Variants in MEIS2 observed in about 807,000 individuals in gnomAD.
MEIS2 encodes Meis homeobox 2.
A neutral mutation model predicts 58.6 loss-of-function variants in MEIS2; 9 were observed. That is an observed-to-expected ratio of 0.15 (90% CI 0.09 to 0.27). MEIS2 has a LOEUF of 0.27. MEIS2 is among the 10% of genes least tolerant of loss of function. MEIS2 has a pLI of 1.00. For synonymous variants in MEIS2, 221 were observed against 228.4 expected (o/e 0.97, Z 0.29); for missense variants, 427 against 635.0 (o/e 0.67, Z 3.52).
chr15:37,063,722 G>A (rs551051114), intron 7 of MEIS2, among the ~76,000 whole-genome samples: 1 of 152,234 alleles, frequency 6.6e-6, no homozygotes, highest in South Asian at 2.1e-4. Flanking sequence ...CTCAGATTAC[G>A]ATAAAGCTAG....
chr15:36,906,420 T>A (rs2056739856), intron 9 of MEIS2, among the ~76,000 whole-genome samples: 1 of 151,990 alleles, frequency 6.6e-6, no homozygotes, highest in African/African-American at 2.4e-5. Flanking sequence ...TTGGGAGAAC[T>A]GCTGATAAAT....
chr15:36,992,393 G>C (rs1462654437), intron 8 of MEIS2, among the ~76,000 whole-genome samples: 2 of 152,086 alleles, frequency 1.3e-5, no homozygotes, highest in Admixed American at 1.3e-4. Context: ...TAAGCAAGCA[G>C]ATGTACATTT....
At chr15:37,073,227 A>G (rs1207023771) in intron 7 of MEIS2, among the ~76,000 whole-genome samples, 1 of 152,110 alleles carries the variant, frequency 6.6e-6, no homozygotes, top group East Asian at 1.9e-4. Context: ...ACAGGTGAAG[A>G]AACAAACATT....
intron 11 of MEIS2, among the ~76,000 whole-genome samples, chr15:36,893,976 A>AT (rs538065534): frequency 1.3e-5 from 2 of 152,122 alleles, no homozygotes; most frequent in East Asian, 3.8e-4. Flanking sequence ...CAGACTCTGA[A>AT]TTTTTTTCAG....
At chr15:36,988,542 T>C (rs2060167566) in intron 8 of MEIS2, among the ~76,000 whole-genome samples, 1 of 152,176 alleles carries the variant, frequency 6.6e-6, no homozygotes, top group Admixed American at 6.5e-5. Flanking sequence ...TAGATAACAG[T>C]CCTGAGGAAA....
chr15:37,003,873 T>C (rs1439346544), intron 8 of MEIS2, among the ~76,000 whole-genome samples: 5 of 152,262 alleles, frequency 3.3e-5, no homozygotes, highest in Admixed American at 6.5e-5. Context: ...TGAGGACATA[T>C]TGAGACGGCT....
intron 7 of MEIS2, among the ~76,000 whole-genome samples, chr15:37,045,454 C>A (rs2062622770): frequency 6.6e-6 from 1 of 151,664 alleles, no homozygotes; most frequent in Admixed American, 6.6e-5. Context: ...ACTGAGAAAC[C>A]TGCATCAGGA....
At chr15:37,090,401 G>A (rs1893371835) in intron 6 of MEIS2, among the ~76,000 whole-genome samples, 1 of 152,030 alleles carries the variant, frequency 6.6e-6, no homozygotes, top group Non-Finnish European at 1.5e-5. Flanking sequence ...TATTATGGTT[G>A]TCTTCTTCTA....
At chr15:37,039,066 C>T (rs1305114206) in intron 7 of MEIS2, among the ~76,000 whole-genome samples, 1 of 152,106 alleles carries the variant, frequency 6.6e-6, no homozygotes, top group Non-Finnish European at 1.5e-5. Flanking sequence ...GGCAGTGGGC[C>T]TTGGGGATCT....
intron 7 of MEIS2, among the ~76,000 whole-genome samples, chr15:37,062,388 C>G (rs1260699280): frequency 6.6e-6 from 1 of 152,112 alleles, no homozygotes; most frequent in Non-Finnish European, 1.5e-5. Context: ...CCTTCTATGT[C>G]AAAACTTGTA....
chr15:36,972,802 T>C (rs973850677), intron 8 of MEIS2: 1 of 149,292 alleles, frequency 6.7e-6, no homozygotes, highest in East Asian at 1.9e-4. Flanking sequence ...AGAGATACAC[T>C]TTTTTTTTTC....
intron 8 of MEIS2, among the ~76,000 whole-genome samples, chr15:37,005,568 G>T (rs1293789663): frequency 1.3e-5 from 2 of 152,008 alleles, no homozygotes; most frequent in East Asian, 1.9e-4. Flanking sequence ...CATCATGATG[G>T]AACTTTTTTT....
In MEIS2 at chr15:36,891,289, A is replaced by G. The variant is rs555180735; in HGVS notation, c.*884T>C. On this transcript the variant is annotated 3_prime_UTR_variant, in exon 12 of 12. Transcript: ENST00000561208. ...GTAAACACATAGAATATCTAACATG[A>G]AACAATTAATAGACCGAACTCTGTA... 2 of 152,666 alleles carry G rather than the reference A, an allele frequency of 1.3e-5. No homozygotes were observed. Among genetic ancestry groups the G allele is most frequent in the Admixed American group, 1.3e-4 (2 of 15,292 alleles). 9.5% of individuals were successfully genotyped at this position (152,666 alleles called of 1,614,324 possible). A position where few individuals can be genotyped will look rare whatever the true frequency, so the allele number is the denominator to read the frequency against.
At position 37,094,449 on chromosome 15, in the gene MEIS2, G is replaced by A. The variant is rs996730486; in HGVS notation, c.489+78C>T. 8.5e-6 allele frequency: 12 copies of A among 1,413,934 alleles called. No individual in the cohort carries two copies. In the Admixed American group the frequency reaches 2.0e-4, roughly 23 times the overall value. The allele number at this position is 1,413,934 out of a possible 1,614,324, so 87.6% of individuals were successfully genotyped here. A position where few individuals can be genotyped will look rare whatever the true frequency, so the allele number is the denominator to read the frequency against. On this transcript the variant is annotated intron_variant, in intron 5 of 11. Coordinates refer to ENST00000561208, the MANE Select transcript of MEIS2 (RefSeq NM_170675.5). ...CAGGTGCTCAATCCCTCACACTAGA[G>A]GTTTGTTAAAAACATCCCAACTCAA...
intron 8 of MEIS2, among the ~76,000 whole-genome samples, chr15:37,031,975 A>G (rs1459362613): frequency 6.6e-6 from 1 of 152,052 alleles, no homozygotes; most frequent in East Asian, 1.9e-4. Context: ...AGTAGCAGGG[A>G]CCACAGGCAT....
At chr15:37,028,497 C>T (rs2061789214) in intron 8 of MEIS2, among the ~76,000 whole-genome samples, 1 of 152,208 alleles carries the variant, frequency 6.6e-6, no homozygotes, top group African/African-American at 2.4e-5. Context: ...AATTTTCTCT[C>T]TTCTAGAGGA....
At chr15:37,070,958 G>T (rs11854578) in intron 7 of MEIS2, among the ~76,000 whole-genome samples, 25,996 of 151,912 alleles carry the variant, frequency 0.17, 2,837 homozygotes, top group East Asian at 0.31. Context: ...GGAAGCATAC[G>T]GGTCTGCTAT....
intron 8 of MEIS2, among the ~76,000 whole-genome samples, chr15:36,955,952 T>C (rs1157261623): frequency 2.7e-4 from 36 of 133,928 alleles, no homozygotes; most frequent in Admixed American, 7.0e-4. Flanking sequence ...CTGAGGTGGG[T>C]GGATTAAGAG....
chr15:36,915,939 T>C (rs1266227085), intron 9 of MEIS2, among the ~76,000 whole-genome samples: 1 of 152,142 alleles, frequency 6.6e-6, no homozygotes, highest in Admixed American at 6.5e-5. Flanking sequence ...GTTGTCAAGC[T>C]CTATTGGGTT....
Sources: gnomAD v4.1 joint callset for allele counts (sites outside exome capture counted in the v4.1 genomes callset) on GRCh38, gnomAD v4.1.1 for gene constraint, MANE v1.5 for transcripts, NCBI Gene and HGNC (gene_info 2026-07-23, HGNC 2026-07-21) for gene names.